SHISAL2A: variants seen among roughly 807,000 people sequenced by gnomAD.
SHISAL2A encodes shisa like 2A, also known as protein shisa-like-2A.
A neutral mutation model predicts 11.5 loss-of-function variants in SHISAL2A; 18 were observed. The observed-to-expected ratio is 1.57, with a 90% CI of 1.08 to 2.33. The LOEUF is 2.33. Ranked by LOEUF, SHISAL2A falls within the 30% of genes most tolerant of loss-of-function variation. The pLI is 0.00. For missense variants in SHISAL2A, 261 were observed against 250.9 expected, an observed-to-expected ratio of 1.04 and a Z score of -0.27; for synonymous variants, 94 against 99.6, an observed-to-expected ratio of 0.94 and a Z score of 0.34.
At chr1:52,656,682 C>A in intron 2 of SHISAL2A, 108 bp from the exon 3 acceptor site, 1 of 1,199,168 alleles carries the variant, frequency 8.3e-7, no homozygotes, top group Non-Finnish European at 1.2e-6. Context: ...GCTTCTAAGG[C>A]TCTGACCACA....
In SHISAL2A at chr1:52,657,065, A is replaced by T; in HGVS notation, c.*25A>T. 6.4e-7 allele frequency: 1 copy of T among 1,558,520 alleles called. No homozygotes were observed. The highest frequency in any genetic ancestry group is 8.7e-7 in the Non-Finnish European group (1 of 1,149,222). On this transcript the variant is annotated 3_prime_UTR_variant, in exon 3 of 3. Transcript: ENST00000517870. ...AACATTCAATAAATGTCTCCATACC[A>T]TCCCCTTCTGGAGTCTCTTCAGTGA...
intron 2 of SHISAL2A, among the ~76,000 whole-genome samples, chr1:52,645,566 C>G (rs1425103998): frequency 7.4e-6 from 1 of 135,636 alleles, no homozygotes; most frequent in Non-Finnish European, 1.7e-5. Context: ...TAGCACCACA[C>G]CTGGCTAATT....
rs1558086951 is a variant in SHISAL2A at position 52,642,895 on chromosome 1, CA to C, written c.216del (p.Val73TrpfsTer30). On this transcript the variant is annotated frameshift_variant, in exon 2 of 3. Coordinates refer to ENST00000517870, the MANE Select transcript of SHISAL2A (RefSeq NM_001042693.3). LOFTEE classifies it high-confidence loss of function. ...GCTCTCATAGGCCTGTCCGTAGCAGCAGTGGTTCTTCTCGCCTTCATTGTTA... is the reference window on the plus strand; with the variant it reads ...GCTCTCATAGGCCTGTCCGTAGCAGCGTGGTTCTTCTCGCCTTCATTGTTA... ...IGALIGLSVA[A>X]VVLLAFIVTA... is the part of the protein sequence containing the mutation. 6.2e-7 allele frequency: 1 copy of C among 1,613,766 alleles called. No homozygotes were observed. Among genetic ancestry groups the C allele is most frequent in the Non-Finnish European group, 8.5e-7 (1 of 1,179,986 alleles).
downstream of SHISAL2A, among the ~76,000 whole-genome samples, chr1:52,660,425 GTGATAGGAGCCCCTCCCCCAGGGC>G (rs1190327165): frequency 6.6e-6 from 1 of 152,184 alleles, no homozygotes; most frequent in Admixed American, 6.5e-5. Flanking sequence ...CCCACCCTGT[GTGATAGGAGCCCCTCCCCCAGGGC>G]AGCCGCAGTG....
chr1:52,644,965 A>C (rs914571912), intron 2 of SHISAL2A, among the ~76,000 whole-genome samples: 10 of 150,742 alleles, frequency 6.6e-5, no homozygotes, highest in Admixed American at 1.3e-4. Context: ...TGCAGTGAGC[A>C]GAAATTGCGC....
intron 2 of SHISAL2A, among the ~76,000 whole-genome samples, chr1:52,646,956 A>G (rs1243520006): frequency 6.6e-6 from 1 of 152,074 alleles, no homozygotes; most frequent in Non-Finnish European, 1.5e-5. Context: ...CAGCCTCTCA[A>G]GTAGCTGAGA....
chr1:52,645,303 G>A (rs1323687325), intron 2 of SHISAL2A, among the ~76,000 whole-genome samples: 3 of 152,230 alleles, frequency 2.0e-5, no homozygotes, highest in Non-Finnish European at 4.4e-5. Flanking sequence ...TCCTCTTGGA[G>A]TGAGAAAGAC....
chr1:52,668,806 C>G (rs1692058159), exon 6 of SHISAL2A: 1 of 152,296 alleles, frequency 6.6e-6, no homozygotes, highest in Non-Finnish European at 1.5e-5. Flanking sequence ...TCTGGCCTAC[C>G]CTGCTCCTGA....
rs2149868887 is a variant in SHISAL2A, at chr1:52,633,260, C to T, written c.-234C>T. On this transcript the variant is annotated 5_prime_UTR_variant, in exon 1 of 3. Coordinates refer to ENST00000517870, the MANE Select transcript of SHISAL2A (RefSeq NM_001042693.3). This position sits in a 1 kb window ranked among gnomAD's most constrained non-coding sequence, Gnocchi z 6.4. The stretch of plus-strand genomic sequence containing the variant: ...GCAGCCGTCACTCCCGCCGCCGGCC[C>T]CCGCCGCCCGCCCCGCCTGCCCCTA... 5.7e-6 allele frequency: 2 copies of T among 348,416 alleles called. No homozygotes were observed. The highest frequency in any genetic ancestry group is 4.5e-5 in the East Asian group (1 of 22,326). The allele number at this position is 348,416 out of a possible 1,614,324, so 21.6% of individuals were successfully genotyped here.
At chr1:52,661,081 G>A (rs1398272195), downstream of SHISAL2A, among the ~76,000 whole-genome samples, 1 of 152,188 alleles carries the variant, frequency 6.6e-6, no homozygotes, top group African/African-American at 2.4e-5. Context: ...GTAACAATAA[G>A]TAGTTCAGTT....
At chr1:52,645,407 G>GTTTTA (rs1691476764) in intron 2 of SHISAL2A, among the ~76,000 whole-genome samples, 1 of 151,566 alleles carries the variant, frequency 6.6e-6, no homozygotes, top group African/African-American at 2.4e-5. Context: ...GTTTTGTTTT[G>GTTTTA]TTTTGTTTTG....
At chr1:52,663,483 G>A (rs1477269619) in intron 4 of SHISAL2A, among the ~76,000 whole-genome samples, 1 of 152,132 alleles carries the variant, frequency 6.6e-6, no homozygotes, top group Non-Finnish European at 1.5e-5. Flanking sequence ...ACATGTGGCC[G>A]GGCGCGGTGG....
chr1:52,654,631 C>T (rs12065233), intron 2 of SHISAL2A, among the ~76,000 whole-genome samples: 2 of 152,182 alleles, frequency 1.3e-5, no homozygotes, highest in African/African-American at 2.4e-5. Flanking sequence ...GATCTCACAC[C>T]TTGTACAAAA....
chr1:52,645,493 T>C (rs1239759366), intron 2 of SHISAL2A, among the ~76,000 whole-genome samples: 3 of 151,756 alleles, frequency 2.0e-5, no homozygotes, highest in African/African-American at 2.4e-5. Flanking sequence ...ACTGCAGCCT[T>C]GCACTCCGGG....
At chr1:52,660,493 A>G (rs1691882952), downstream of SHISAL2A, among the ~76,000 whole-genome samples, 1 of 152,136 alleles carries the variant, frequency 6.6e-6, no homozygotes, top group Non-Finnish European at 1.5e-5. Context: ...CGCAGACAGA[A>G]ATAGTCTGAG....
At chr1:52,651,807 A>G (rs1355792361) in intron 2 of SHISAL2A, among the ~76,000 whole-genome samples, 5 of 152,216 alleles carry the variant, frequency 3.3e-5, no homozygotes, top group Non-Finnish European at 7.3e-5. Context: ...AAAAATTAGT[A>G]CTTAATAAAT....
At chr1:52,638,518 C>T (rs1456850658) in intron 1 of SHISAL2A, among the ~76,000 whole-genome samples, 1 of 152,126 alleles carries the variant, frequency 6.6e-6, no homozygotes, top group Non-Finnish European at 1.5e-5. Context: ...CATGAGTAAT[C>T]CAGTGTCTAA....
At chr1:52,660,463 G>T (rs1278172591), downstream of SHISAL2A, among the ~76,000 whole-genome samples, 1 of 152,192 alleles carries the variant, frequency 6.6e-6, no homozygotes, top group Non-Finnish European at 1.5e-5. Flanking sequence ...CGCAGTGGGA[G>T]GATGCTGGGT....
intron 4 of SHISAL2A, among the ~76,000 whole-genome samples, chr1:52,666,178 G>C (rs1209111824): frequency 6.6e-6 from 1 of 152,188 alleles, no homozygotes; most frequent in Non-Finnish European, 1.5e-5. Flanking sequence ...CCGGCTGGGA[G>C]CGGTGGCTCA....
Sources: gnomAD v4.1 joint callset for allele counts (sites outside exome capture counted in the v4.1 genomes callset) on GRCh38, gnomAD v4.1.1 for gene constraint, Gnocchi (gnomAD v3.1) non-coding constraint, MANE v1.5 for transcripts, NCBI Gene and HGNC (gene_info 2026-07-23, HGNC 2026-07-21) for gene names.